ACCSL: variants seen among roughly 807,000 people sequenced by gnomAD.
The protein encoded by ACCSL is 1-aminocyclopropane-1-carboxylate synthase homolog (inactive) like.
Under a neutral mutation model 61.7 loss-of-function variants are expected in ACCSL, and 55 were observed. That is an observed-to-expected ratio of 0.89 (90% CI 0.72 to 1.12). The LOEUF (loss-of-function observed/expected upper bound fraction) is 1.12, where lower values mean the gene tolerates loss of function less well. Among genes scored for constraint, ACCSL ranks in the 50% most tolerant of loss-of-function variants. The pLI, the probability that ACCSL is intolerant of heterozygous loss-of-function variation, is 0.00. For missense variants in ACCSL, 632 were observed against 698.0 expected (o/e 0.91, Z 1.07); for synonymous variants, 258 against 264.3 (o/e 0.98, Z 0.23).
chr11:44,007,936 G>C, the ACCSL span, among the ~76,000 whole-genome samples: 24 of 152,248 alleles, frequency 1.6e-4, no homozygotes, highest in African/African-American at 5.3e-4. Context: ...CACACAGGGT[G>C]CAGCTCTCCC....
At chr11:44,059,267 C>T (rs1565160974) in intron 13 of ACCSL, among the ~76,000 whole-genome samples, 1 of 151,974 alleles carries the variant, frequency 6.6e-6, no homozygotes, top group Admixed American at 6.6e-5. Context: ...CAAACAAAAC[C>T]CGAAAAAAGT....
the ACCSL span, among the ~76,000 whole-genome samples, chr11:43,947,819 G>A: frequency 1.3e-5 from 2 of 152,032 alleles, no homozygotes; most frequent in Admixed American, 1.3e-4. Context: ...TAGGAAGAAG[G>A]GTTCCTGGAT....
chr11:43,941,046 A>G, the ACCSL span, among the ~76,000 whole-genome samples: 1 of 152,210 alleles, frequency 6.6e-6, no homozygotes, highest in Non-Finnish European at 1.5e-5. Context: ...TTTGTTACCC[A>G]GGGTGGTTGG....
At chr11:44,005,230 G>A in the ACCSL span, among the ~76,000 whole-genome samples, 2 of 152,110 alleles carry the variant, frequency 1.3e-5, no homozygotes, top group Non-Finnish European at 1.5e-5. Flanking sequence ...CCCCTGCCTG[G>A]TGAGGCTGAT....
At chr11:44,018,569 C>T in the ACCSL span, among the ~76,000 whole-genome samples, 1 of 152,244 alleles carries the variant, frequency 6.6e-6, no homozygotes, top group Non-Finnish European at 1.5e-5. Context: ...AGGGCAACAG[C>T]ACCCTTGACC....
the ACCSL span, among the ~76,000 whole-genome samples, chr11:44,034,325 A>G: frequency 6.6e-6 from 1 of 152,182 alleles, no homozygotes; most frequent in Non-Finnish European, 1.5e-5. Flanking sequence ...TGATTTTGAC[A>G]TGGCCCCTGG....
At chr11:43,951,572 C>T in the ACCSL span, among the ~76,000 whole-genome samples, 1 of 152,144 alleles carries the variant, frequency 6.6e-6, no homozygotes, top group Admixed American at 6.5e-5. Context: ...AATTTGATTG[C>T]CAAGAAAACC....
chr11:44,018,048 G>C, the ACCSL span, among the ~76,000 whole-genome samples: 1 of 152,148 alleles, frequency 6.6e-6, no homozygotes, highest in Non-Finnish European at 1.5e-5. Flanking sequence ...AAGTACACAG[G>C]AGCCAGGGAT....
At chr11:43,926,514 G>A in the ACCSL span, 1 of 455,994 alleles carries the variant, frequency 2.2e-6, no homozygotes, top group Non-Finnish European at 4.4e-6. Flanking sequence ...TCAAGACCAG[G>A]GCTTTTATAT....
the ACCSL span, among the ~76,000 whole-genome samples, chr11:43,964,766 C>A: frequency 6.6e-6 from 1 of 151,946 alleles, no homozygotes; most frequent in Non-Finnish European, 1.5e-5. Flanking sequence ...GGATTTATTC[C>A]AGGATGCAAG....
the ACCSL span, among the ~76,000 whole-genome samples, chr11:43,993,708 T>G: frequency 1.3e-5 from 2 of 152,078 alleles, no homozygotes; most frequent in South Asian, 4.1e-4. Flanking sequence ...CCTGCCCCCT[T>G]CTGTGCACAC....
At chr11:44,042,817 A>C in the ACCSL span, among the ~76,000 whole-genome samples, 2 of 152,150 alleles carry the variant, frequency 1.3e-5, no homozygotes, top group Non-Finnish European at 2.9e-5. Flanking sequence ...GCAGTGGCTC[A>C]CACCTGTAAT....
At chr11:43,959,340 C>T in the ACCSL span, among the ~76,000 whole-genome samples, 19 of 152,174 alleles carry the variant, frequency 1.2e-4, no homozygotes, top group African/African-American at 4.1e-4. Context: ...GCCTAGAGAT[C>T]CTCATGACAT....
chr11:44,037,557 C>G, the ACCSL span, among the ~76,000 whole-genome samples: 13 of 152,142 alleles, frequency 8.5e-5, no homozygotes, highest in Non-Finnish European at 1.6e-4. Flanking sequence ...GTTTAGCGAC[C>G]CCTCTTGGCA....
the ACCSL span, among the ~76,000 whole-genome samples, chr11:43,927,757 G>T: frequency 6.6e-6 from 1 of 152,198 alleles, no homozygotes; most frequent in Admixed American, 6.5e-5. Flanking sequence ...AGTGGTGTTT[G>T]AGCAGATCTG....
intron 5 of ACCSL, 97 bp from the exon 6 acceptor site, chr11:44,052,565 T>G: frequency 9.4e-7 from 1 of 1,060,428 alleles, no homozygotes; most frequent in Non-Finnish European, 1.4e-6. Flanking sequence ...TGAAACTGAC[T>G]TTTTTTCTGT....
chr11:44,040,351 G>A, the ACCSL span, among the ~76,000 whole-genome samples: 1 of 152,180 alleles, frequency 6.6e-6, no homozygotes, highest in African/African-American at 2.4e-5. Context: ...TTCTCCAGGT[G>A]ATGCCAATAC....
At chr11:43,942,999 C>G in the ACCSL span, 7 of 1,506,452 alleles carry the variant, frequency 4.6e-6, no homozygotes, top group Middle Eastern at 5.2e-4. Context: ...TTCCCGCAGC[C>G]CGTGCGGCCC....
At chr11:43,939,515 GC>G in the ACCSL span, among the ~76,000 whole-genome samples, 1 of 151,874 alleles carries the variant, frequency 6.6e-6, no homozygotes, top group Admixed American at 6.6e-5. Flanking sequence ...CTCCACAACG[GC>G]CCCCCCTCCC....
Sources: gnomAD v4.1 joint callset for allele counts (sites outside exome capture counted in the v4.1 genomes callset) on GRCh38, gnomAD v4.1.1 for gene constraint, MANE v1.5 for transcripts, NCBI Gene and HGNC (gene_info 2026-07-23, HGNC 2026-07-21) for gene names.